The following GALNT7 variants were observed in gnomAD, a reference collection of about 807,000 sequenced individuals.
GALNT7 encodes polypeptide N-acetylgalactosaminyltransferase 7, also known as N-acetylgalactosaminyltransferase 7.
In GALNT7, 60 loss-of-function variants were observed where a neutral mutation model predicts 82.1. The ratio of observed to expected loss-of-function variants is 0.73; its 90% CI spans 0.59 to 0.91. The LOEUF (loss-of-function observed/expected upper bound fraction) is 0.91, where lower values mean the gene tolerates loss of function less well. Among genes scored for constraint, GALNT7 ranks in the 40% least tolerant of loss-of-function variants. GALNT7 has a pLI of 0.00. For missense variants in GALNT7, 660 were observed against 804.2 expected (o/e 0.82, Z 2.17); for synonymous variants, 243 against 275.1 (o/e 0.88, Z 1.15).
intron 6 of GALNT7, among the ~76,000 whole-genome samples, chr4:173,301,195 A>G (rs764662210): frequency 6.6e-6 from 1 of 151,894 alleles, no homozygotes; most frequent in Non-Finnish European, 1.5e-5. Flanking sequence ...GGTTCCATTG[A>G]ACCTATTTGA....
At chr4:173,282,282 C>G (rs1187997583) in intron 2 of GALNT7, among the ~76,000 whole-genome samples, 1 of 152,146 alleles carries the variant, frequency 6.6e-6, no homozygotes, top group Non-Finnish European at 1.5e-5. Context: ...TTCTGTGGAG[C>G]CCACCATGTA....
In GALNT7 at chr4:173,304,010, T is replaced by C. The variant is rs144428597; in HGVS notation, c.1281T>C (p.Gly427=). Residue 427 remains glycine (G), a synonymous_variant, in exon 8 of 12, where the codon GGT becomes GGC. Coordinates refer to ENST00000265000, the MANE Select transcript of GALNT7 (RefSeq NM_017423.3). ...TTCCTTCATAGATATGGCAGTGTGG[T>C]GGCAAATTATTATTTGTTCCTTGTT... is the stretch of plus-strand genomic sequence containing the variant. The part of the protein sequence containing the change: ...FEISYKIWQC[G]GKLLFVPCSR... 1 of 1,611,346 alleles carries C rather than the reference T, an allele frequency of 6.2e-7. No individual in the cohort carries two copies. The highest frequency in any genetic ancestry group is 8.5e-7 in the Non-Finnish European group (1 of 1,178,496).
At chr4:173,255,638 C>T (rs931934572) in intron 2 of GALNT7, among the ~76,000 whole-genome samples, 2 of 151,918 alleles carry the variant, frequency 1.3e-5, no homozygotes, top group African/African-American at 4.8e-5. Flanking sequence ...AGTCTTTTGC[C>T]CATGGGAAAC....
intron 1 of GALNT7, among the ~76,000 whole-genome samples, chr4:173,227,822 T>G (rs79378073): frequency 0.048 from 7,319 of 152,236 alleles, 398 homozygotes; most frequent in African/African-American, 0.12. Context: ...TTAAAAAAAA[T>G]CGCTTAAGCT....
chr4:173,181,565 G>C (rs1278649365), intron 1 of GALNT7, among the ~76,000 whole-genome samples: 1 of 151,998 alleles, frequency 6.6e-6, no homozygotes, highest in Non-Finnish European at 1.5e-5. Flanking sequence ...TCTTCTTATA[G>C]CTAACATTTA....
chr4:173,181,822 T>C (rs538230547), intron 1 of GALNT7, among the ~76,000 whole-genome samples: 39 of 152,304 alleles, frequency 2.6e-4, no homozygotes, highest in African/African-American at 8.9e-4. Context: ...TTTTTCCCAG[T>C]GTCCTATTTG....
At chr4:173,295,303 C>G (rs1422023323) in intron 3 of GALNT7, 93 bp from the exon 4 acceptor site, 1 of 816,594 alleles carries the variant, frequency 1.2e-6, no homozygotes, top group East Asian at 2.5e-5. Flanking sequence ...TACTGTCTAC[C>G]CAATGCACCT....
chr4:173,302,429 C>T lies in GALNT7; in HGVS notation c.1266+265C>T, dbSNP rs1413095353. On this transcript the variant is annotated intron_variant, in intron 7 of 11. Coordinates refer to ENST00000265000, the MANE Select transcript of GALNT7 (RefSeq NM_017423.3). The surrounding 1 kb of genome is among the most constrained non-coding windows in gnomAD (Gnocchi z 4.2). ...GAAATGAAAATATCTACCCCCACAC[C>T]CCAACTTTCTATATATTGGAGCTTT... is the stretch of plus-strand genomic sequence containing the variant. 6.6e-6 allele frequency among the ~76,000 whole-genome samples: 1 copy of T among 152,118 alleles called. No homozygotes were observed. Among genetic ancestry groups the T allele is most frequent in the South Asian group, 2.1e-4 (1 of 4,824 alleles).
chr4:173,213,901 A>C (rs1456000955), intron 1 of GALNT7, among the ~76,000 whole-genome samples: 3 of 152,126 alleles, frequency 2.0e-5, no homozygotes, highest in Admixed American at 2.0e-4. Flanking sequence ...TGTTACTCCA[A>C]AGGATTCCTT....
At chr4:173,295,355 T>C (rs1167842838) in intron 3 of GALNT7, 41 bp from the exon 4 acceptor site, 1 of 1,360,104 alleles carries the variant, frequency 7.4e-7, no homozygotes. Context: ...AATTGGTTTC[T>C]ATTCGTCTAA....
chr4:173,256,688 A>G (rs1735051306), intron 2 of GALNT7, among the ~76,000 whole-genome samples: 1 of 152,214 alleles, frequency 6.6e-6, no homozygotes, highest in Admixed American at 6.5e-5. Flanking sequence ...AGAAATGCCT[A>G]TAATTGCACC....
chr4:173,252,979 C>T (rs763680538), intron 2 of GALNT7, among the ~76,000 whole-genome samples: 2 of 151,980 alleles, frequency 1.3e-5, no homozygotes, highest in African/African-American at 2.4e-5. Flanking sequence ...GTGGGCTGAT[C>T]GCATGAGTCC....
At chr4:173,266,868 G>GGTGTGTGTGTGTGTGTGTGT (rs71596614) in intron 2 of GALNT7, among the ~76,000 whole-genome samples, 1 of 95,078 alleles carries the variant, frequency 1.1e-5, no homozygotes, top group African/African-American at 4.3e-5. Context: ...GGCTGGGAAG[G>GGTGTGTGTGTGTGTGTGTGT]GTGTGTGTGT....
intron 2 of GALNT7, among the ~76,000 whole-genome samples, chr4:173,277,828 TAG>T (rs1264004870): frequency 2.0e-4 from 30 of 152,228 alleles, no homozygotes; most frequent in African/African-American, 7.0e-4. Context: ...GTTTCCTTCT[TAG>T]TTATCTGCAG....
At chr4:173,301,884 T>C (rs950759760) in intron 6 of GALNT7, among the ~76,000 whole-genome samples, 163 bp from the exon 7 acceptor site, 3 of 152,220 alleles carry the variant, frequency 2.0e-5, no homozygotes, top group African/African-American at 7.2e-5. Flanking sequence ...ATGAACAGAT[T>C]TTTTTCTTTT....
At chr4:173,258,076 GA>G (rs1735111729) in intron 2 of GALNT7, among the ~76,000 whole-genome samples, 1 of 152,252 alleles carries the variant, frequency 6.6e-6, no homozygotes, top group South Asian at 2.1e-4. Context: ...AAACTCTCTT[GA>G]AAGCTTCTAT....
At chr4:173,200,369 G>T (rs1308116657) in intron 1 of GALNT7, among the ~76,000 whole-genome samples, 1 of 151,836 alleles carries the variant, frequency 6.6e-6, no homozygotes, top group Non-Finnish European at 1.5e-5. Flanking sequence ...TCAGTTATCT[G>T]TATATGTCAT....
Position 173,218,324 on chromosome 4 carries a change from T to C in GALNT7, c.127-29656T>C, listed in dbSNP as rs547742959. On this transcript the variant is annotated intron_variant, in intron 1 of 11. Transcript: ENST00000265000. ...GGAATTTAGGAGTTGGGTAAATGGT[T>C]TTACTTTAGCTACTAATCCAATTGA... is the stretch of plus-strand genomic sequence containing the variant. 4.6e-5 allele frequency among the ~76,000 whole-genome samples: 7 copies of C among 152,306 alleles called. No homozygotes were observed. In the East Asian group the frequency reaches 1.3e-3, roughly 29 times the overall value.
In GALNT7 at chr4:173,302,289, A is replaced by T; in HGVS notation, c.1266+125A>T. 1 of 702,284 alleles carries T rather than the reference A, an allele frequency of 1.4e-6. No homozygotes were observed. Among genetic ancestry groups the T allele is most frequent in the Non-Finnish European group, 2.6e-6 (1 of 390,642 alleles). The allele number at this position is 702,284 out of a possible 1,614,324, so 43.5% of individuals were successfully genotyped here. A position where few individuals can be genotyped will look rare whatever the true frequency, so the allele number is the denominator to read the frequency against. On this transcript the variant is annotated intron_variant, in intron 7 of 11. Coordinates refer to ENST00000265000, the MANE Select transcript of GALNT7 (RefSeq NM_017423.3). The surrounding 1 kb of genome is among the most constrained non-coding windows in gnomAD (Gnocchi z 4.2). ...TATATCATGCATTTCTCCAAATTGT[A>T]TAGAATGATTTAATGAAAATGGATG...
Sources: allele counts gnomAD v4.1 joint callset (sites outside exome capture counted in the v4.1 genomes callset), GRCh38; gene constraint gnomAD v4.1.1; non-coding constraint Gnocchi (gnomAD v3.1); transcripts MANE v1.5; gene names NCBI Gene and HGNC (gene_info 2026-07-23, HGNC 2026-07-21).